Variants in COMMD5 observed in about 807,000 individuals in gnomAD.
COMMD5 encodes COMM domain containing 5.
A neutral mutation model predicts 6.9 loss-of-function variants in COMMD5; 10 were observed. The observed-to-expected ratio is 1.44, with a 90% CI of 0.89 to 2.45. COMMD5 has a LOEUF of 2.45. COMMD5 is among the 30% of genes most tolerant of loss of function. COMMD5 has a pLI of 0.00. For synonymous variants in COMMD5, 127 were observed against 125.3 expected (o/e 1.01, Z -0.09); for missense variants, 234 against 287.8 (o/e 0.81, Z 1.35).
At position 144,850,646 on chromosome 8, in the gene COMMD5, G is replaced by T. The variant is rs896543892; in HGVS notation, c.*18C>A. 6.2e-7 allele frequency: 1 copy of T among 1,605,784 alleles called. No individual in the cohort carries two copies. Among genetic ancestry groups the T allele is most frequent in the South Asian group, 1.1e-5 (1 of 90,702 alleles). ...GCCTGTCCAAGCCGGATCTGAATGG[G>T]ACTGGTCAAGTGAGGGGTCAGTCCT... is the stretch of plus-strand genomic sequence containing the variant. On this transcript the variant is annotated 3_prime_UTR_variant, in exon 2 of 2. Coordinates refer to ENST00000305103, the MANE Select transcript of COMMD5 (RefSeq NM_014066.4). The surrounding 1 kb of genome is among the most constrained non-coding windows in gnomAD (Gnocchi z 4.0).
chr8:144,853,281 G>T (rs1276501155), upstream of COMMD5: 5 of 152,084 alleles, frequency 3.3e-5, no homozygotes, highest in Non-Finnish European at 7.4e-5. Context: ...TAGAAACTGC[G>T]GCCTGCGCCC....
rs1263208172 is a variant in COMMD5, at chr8:144,851,180, C to G, written c.159G>C (p.Lys53Asn). 1 of 1,613,786 alleles carries G rather than the reference C, an allele frequency of 6.2e-7. No individual in the cohort carries two copies. Among genetic ancestry groups the G allele is most frequent in the East Asian group, 2.2e-5 (1 of 44,890 alleles). Residue 53 changes from lysine (K) to asparagine (N), a missense_variant, in exon 2 of 2, where the codon AAG (lysine) becomes AAC (asparagine). By Grantham distance (94) the Lys-to-Asn change is moderately conservative. Coordinates refer to ENST00000305103, the MANE Select transcript of COMMD5 (RefSeq NM_014066.4). ...LDRSTFRKLL[K>N]FVVSSLQGED... ...CCCCCTGCAGGCTGCTGACCACAAA[C>G]TTCAGCAACTTTCTGAACGTGCTCC... is the stretch of plus-strand genomic sequence containing the variant.
chr8:144,845,017 G>A (rs1386786412), intron 1 of COMMD5, among the ~76,000 whole-genome samples: 9 of 152,108 alleles, frequency 5.9e-5, no homozygotes, highest in Admixed American at 2.0e-4. Context: ...AGGACAGATG[G>A]GAGGAGAAAC....
chr8:144,844,733 A>AAC (rs1830410236), intron 1 of COMMD5, among the ~76,000 whole-genome samples: 3 of 132,432 alleles, frequency 2.3e-5, no homozygotes, highest in African/African-American at 8.9e-5. Context: ...AAAAAAAAAA[A>AAC]AAACGAAAAT....
chr8:144,840,916 T>A (rs2955208), downstream of COMMD5: 821 of 159,398 alleles, frequency 5.2e-3, 12 homozygotes, highest in African/African-American at 0.019. Context: ...CAGCCTTGTT[T>A]CCTCATCACA....
At chr8:144,841,486 GAT>G in exon 2 of COMMD5, 1 of 1,614,196 alleles carries the variant, frequency 6.2e-7, no homozygotes. Flanking sequence ...AGACGTTTCT[GAT>G]TCTGAGGTCT....
downstream of COMMD5, among the ~76,000 whole-genome samples, chr8:144,845,176 T>C (rs930199677): frequency 6.6e-6 from 1 of 152,174 alleles, no homozygotes; most frequent in African/African-American, 2.4e-5. Context: ...TTTCATTCTT[T>C]GTAGAAGCTC....
At chr8:144,847,806 C>G (rs1024792009), downstream of COMMD5, among the ~76,000 whole-genome samples, 3 of 152,156 alleles carry the variant, frequency 2.0e-5, no homozygotes, top group African/African-American at 4.8e-5. Flanking sequence ...GCCAAGAAAA[C>G]CAAGGGAGTA....
intron 1 of COMMD5, chr8:144,843,285 G>A: frequency 7.7e-7 from 1 of 1,295,640 alleles, no homozygotes; most frequent in Non-Finnish European, 1.0e-6. Context: ...GTTCAGAATT[G>A]CTCTCAAGAA....
chr8:144,839,815 C>T (rs553411045), downstream of COMMD5, among the ~76,000 whole-genome samples: 8 of 152,358 alleles, frequency 5.3e-5, no homozygotes, highest in East Asian at 1.9e-4. Context: ...AGTGGAGGAG[C>T]GGCCAGGTCC....
intron 1 of COMMD5, chr8:144,842,675 A>T: frequency 1.9e-6 from 3 of 1,614,200 alleles, no homozygotes; most frequent in Non-Finnish European, 2.5e-6. Context: ...AAAGGAGAGA[A>T]GCCCTACGAA....
rs1830685230 is a variant in COMMD5 at position 144,850,508 on chromosome 8, A to T, written c.*156T>A. The T allele has an allele frequency of 4.8e-6, 4 of 826,556 alleles. No homozygotes were observed. In the East Asian group the frequency reaches 8.1e-5, roughly 17 times the overall value. The allele number at this position is 826,556 out of a possible 1,614,324, so 51.2% of individuals were successfully genotyped here. ...AAAAAAAGGCATAGCTCTCTTTTTCAATTAAACAGAAAACTACATAATTAC... is the reference window on the plus strand; with the variant it reads ...AAAAAAAGGCATAGCTCTCTTTTTCTATTAAACAGAAAACTACATAATTAC... On this transcript the variant is annotated 3_prime_UTR_variant, in exon 2 of 2. Transcript: ENST00000305103. The surrounding 1 kb of genome is among the most constrained non-coding windows in gnomAD (Gnocchi z 4.0).
chr8:144,847,715 G>A (rs548857611), downstream of COMMD5, among the ~76,000 whole-genome samples: 1 of 152,212 alleles, frequency 6.6e-6, no homozygotes, highest in South Asian at 2.1e-4. Flanking sequence ...AGTGATGCAG[G>A]TGGGGAGGCA....
chr8:144,842,320 A>G (rs1401627086), intron 1 of COMMD5: 2 of 1,614,044 alleles, frequency 1.2e-6, no homozygotes, highest in African/African-American at 1.3e-5. Flanking sequence ...TGCACATCAG[A>G]GAATTCACGC....
downstream of COMMD5, chr8:144,846,025 T>C: frequency 6.5e-7 from 1 of 1,536,546 alleles, no homozygotes; most frequent in South Asian, 1.2e-5. Flanking sequence ...GGCACCCACA[T>C]GCACCGCCTG....
At chr8:144,845,097 A>T (rs1253632545) in intron 1 of COMMD5, among the ~76,000 whole-genome samples, 1 of 152,134 alleles carries the variant, frequency 6.6e-6, no homozygotes, top group Non-Finnish European at 1.5e-5. Context: ...GTCTGGATGT[A>T]ATTTATGGTG....
At position 144,850,654 on chromosome 8, in the gene COMMD5, A is replaced by G. The variant is rs1483955220; in HGVS notation, c.*10T>C. 3 of 1,608,352 alleles carry G rather than the reference A, an allele frequency of 1.9e-6. No homozygotes were observed. Among genetic ancestry groups the G allele is most frequent in the Admixed American group, 3.3e-5 (2 of 59,938 alleles). Reference sequence around the variant, plus strand: ...AAGCCGGATCTGAATGGGACTGGTCAAGTGAGGGGTCAGTCCTGCAGTCTG... The same window carrying G: ...AAGCCGGATCTGAATGGGACTGGTCGAGTGAGGGGTCAGTCCTGCAGTCTG... On this transcript the variant is annotated 3_prime_UTR_variant, in exon 2 of 2. Coordinates refer to ENST00000305103, the MANE Select transcript of COMMD5 (RefSeq NM_014066.4). This position sits in a 1 kb window ranked among gnomAD's most constrained non-coding sequence, Gnocchi z 4.0.
downstream of COMMD5, among the ~76,000 whole-genome samples, chr8:144,845,492 T>C (rs1345823225): frequency 6.6e-6 from 1 of 152,104 alleles, no homozygotes; most frequent in African/African-American, 2.4e-5. Context: ...TGATGGCAGG[T>C]GGCTTGCTCA....
At chr8:144,842,498 C>T in intron 1 of COMMD5, 3 of 1,614,156 alleles carry the variant, frequency 1.9e-6, no homozygotes, top group South Asian at 1.1e-5. Context: ...AGAACTCACA[C>T]TGGAGAAAAA....
Sources: allele counts gnomAD v4.1 joint callset (sites outside exome capture counted in the v4.1 genomes callset), GRCh38; gene constraint gnomAD v4.1.1; non-coding constraint Gnocchi (gnomAD v3.1); transcripts MANE v1.5; gene names NCBI Gene and HGNC (gene_info 2026-07-23, HGNC 2026-07-21).